Variants in ARHGAP15 observed in about 807,000 individuals in gnomAD.
ARHGAP15 encodes the protein rho GTPase-activating protein 15.
A neutral mutation model predicts 63.7 loss-of-function variants in ARHGAP15; 51 were observed. The observed-to-expected ratio is 0.80, with a 90% confidence interval of 0.64 to 1.01. The LOEUF (loss-of-function observed/expected upper bound fraction) is 1.01, where lower values mean the gene tolerates loss of function less well. Among genes scored for constraint, ARHGAP15 ranks in the 50% least tolerant of loss-of-function variants. The pLI, the probability that ARHGAP15 is intolerant of heterozygous loss-of-function variation, is 0.00. For synonymous variants in ARHGAP15, 191 were observed against 193.8 expected (o/e 0.99, Z 0.12); for missense variants, 560 against 564.6 (o/e 0.99, Z 0.08).
chr2:143,376,629 T>G (rs1487274590), intron 6 of ARHGAP15, among the ~76,000 whole-genome samples: 1 of 152,012 alleles, frequency 6.6e-6, no homozygotes, highest in Admixed American at 6.6e-5. Flanking sequence ...CATTAGAAAA[T>G]TTGATCTTAA....
chr2:143,520,549 T>C (rs1694016415), intron 10 of ARHGAP15, among the ~76,000 whole-genome samples: 1 of 152,094 alleles, frequency 6.6e-6, no homozygotes, highest in South Asian at 2.1e-4. Context: ...AAGCAGCAAC[T>C]GCAGGATGAA....
intron 1 of ARHGAP15, among the ~76,000 whole-genome samples, chr2:143,146,802 A>C (rs1558774435): frequency 6.6e-6 from 1 of 152,068 alleles, no homozygotes; most frequent in African/African-American, 2.4e-5. Context: ...CCCTTTTGGC[A>C]CTGAAATTCA....
At chr2:143,426,755 CA>C (rs1320067169) in intron 6 of ARHGAP15, among the ~76,000 whole-genome samples, 5 of 152,106 alleles carry the variant, frequency 3.3e-5, no homozygotes, top group African/African-American at 1.2e-4. Context: ...GTGGCATCAC[CA>C]TTCCTTATTT....
At chr2:143,559,134 G>A (rs1170074504) in intron 11 of ARHGAP15, among the ~76,000 whole-genome samples, 1 of 152,030 alleles carries the variant, frequency 6.6e-6, no homozygotes, top group African/African-American at 2.4e-5. Context: ...TCCTGATTGG[G>A]ATTCTAGACA....
chr2:143,469,495 C>T lies in ARHGAP15; in HGVS notation c.704-17878C>T, dbSNP rs10165667. On this transcript the variant is annotated intron_variant, in intron 8 of 13. Coordinates refer to ENST00000295095, the MANE Select transcript of ARHGAP15 (RefSeq NM_018460.4). ...GTGCCAACTGTAGCAATGCCCCACA[C>T]GCGAGCTCCAGTGGGCCAGTTCTTT... 4.2e-3 allele frequency among the ~76,000 whole-genome samples: 645 copies of T among 152,296 alleles called. 6 individuals are homozygous for T. The highest frequency in any genetic ancestry group is 0.015 in the African/African-American group (619 of 41,578).
chr2:143,479,340 T>G (rs914281150), intron 8 of ARHGAP15, among the ~76,000 whole-genome samples: 6 of 140,376 alleles, frequency 4.3e-5, no homozygotes, highest in South Asian at 2.2e-4. Context: ...CTTTTTGGGG[T>G]TTTTTTTTTT....
chr2:143,604,322 T>C (rs1697898844), intron 11 of ARHGAP15, among the ~76,000 whole-genome samples: 1 of 152,196 alleles, frequency 6.6e-6, no homozygotes, highest in Non-Finnish European at 1.5e-5. Context: ...CTGACTGGGA[T>C]CGAATCACAT....
intron 9 of ARHGAP15, among the ~76,000 whole-genome samples, chr2:143,513,976 C>T (rs35608804): frequency 0.48 from 72,558 of 152,032 alleles, 17,705 homozygotes; most frequent in East Asian, 0.78. Context: ...TGATAGTATA[C>T]ACGCTCAAAG....
At chr2:143,689,024 T>C (rs1683476098) in intron 12 of ARHGAP15, among the ~76,000 whole-genome samples, 1 of 152,164 alleles carries the variant, frequency 6.6e-6, no homozygotes, top group Non-Finnish European at 1.5e-5. Flanking sequence ...GACTTGCATA[T>C]TTTTCAAATG....
chr2:143,503,491 C>T (rs1290996138), intron 9 of ARHGAP15, among the ~76,000 whole-genome samples: 1 of 152,216 alleles, frequency 6.6e-6, no homozygotes, highest in African/African-American at 2.4e-5. Flanking sequence ...TCTTTCTTCA[C>T]ACTCTCCAGC....
chr2:143,756,783 A>G (rs1686592942), intron 13 of ARHGAP15, among the ~76,000 whole-genome samples: 1 of 152,222 alleles, frequency 6.6e-6, no homozygotes, highest in African/African-American at 2.4e-5. Context: ...TTTTTCTTCC[A>G]TCTGAACACC....
chr2:143,151,646 A>G (rs1340269615), intron 1 of ARHGAP15, among the ~76,000 whole-genome samples: 1 of 152,124 alleles, frequency 6.6e-6, no homozygotes, highest in East Asian at 1.9e-4. Context: ...GATTAAGCCT[A>G]AGTGAATGCT....
In ARHGAP15 at chr2:143,544,593, T is replaced by C. The variant is rs141553784; in HGVS notation, c.926-11815T>C. Among the ~76,000 whole-genome samples the C allele has an allele frequency of 1.1e-4, 17 of 152,334 alleles. No individual in the cohort carries two copies. The East Asian group carries it at 2.3e-3, about 21-fold the overall frequency. On this transcript the variant is annotated intron_variant, in intron 10 of 13. Transcript: ENST00000295095. Reference sequence around the variant, plus strand: ...CTCACAGAGAATATATGTTCTCACATTTTAGTGCGTGTTATGGCTCTATAA... The same window carrying C: ...CTCACAGAGAATATATGTTCTCACACTTTAGTGCGTGTTATGGCTCTATAA...
intron 6 of ARHGAP15, among the ~76,000 whole-genome samples, chr2:143,285,913 G>A (rs1470378925): frequency 6.6e-6 from 1 of 152,104 alleles, no homozygotes; most frequent in East Asian, 1.9e-4. Flanking sequence ...TTTAAGTGTA[G>A]ATAAAATAAT....
chr2:143,758,618 C>A (rs1247386919), intron 13 of ARHGAP15, among the ~76,000 whole-genome samples: 2 of 152,092 alleles, frequency 1.3e-5, no homozygotes, highest in African/African-American at 4.8e-5. Flanking sequence ...TTCAAAGAAT[C>A]CTAAGTTCAA....
chr2:143,610,917 C>T (rs572579014), intron 11 of ARHGAP15, among the ~76,000 whole-genome samples: 11 of 152,038 alleles, frequency 7.2e-5, no homozygotes, highest in South Asian at 2.1e-4. Context: ...TTAGTAGAGA[C>T]GGGGTTTTGC....
intron 6 of ARHGAP15, among the ~76,000 whole-genome samples, chr2:143,287,281 G>A (rs962508914): frequency 1.3e-5 from 2 of 152,172 alleles, no homozygotes; most frequent in Admixed American, 1.3e-4. Flanking sequence ...CATTGGAAGA[G>A]ATTAGACTTA....
intron 13 of ARHGAP15, among the ~76,000 whole-genome samples, chr2:143,751,128 G>A (rs986184135): frequency 2.0e-5 from 3 of 152,178 alleles, no homozygotes; most frequent in Admixed American, 2.0e-4. Flanking sequence ...GGAGCAGCAT[G>A]GGGTAGAAAG....
intron 1 of ARHGAP15, among the ~76,000 whole-genome samples, chr2:143,134,104 AATCTATCTATCTATCT>A (rs70982842): frequency 0.22 from 30,722 of 141,158 alleles, 3,247 homozygotes; most frequent in East Asian, 0.34. Flanking sequence ...TCTATTTGAA[AATCTATCTATCTATCT>A]ATCTATCTAT....
Sources: gnomAD v4.1 joint callset for allele counts (sites outside exome capture counted in the v4.1 genomes callset) on GRCh38, gnomAD v4.1.1 for gene constraint, MANE v1.5 for transcripts, NCBI Gene and HGNC (gene_info 2026-07-23, HGNC 2026-07-21) for gene names.